SNX9: variants seen among roughly 807,000 people sequenced by gnomAD.
The protein encoded by SNX9 is sorting nexin-9.
A neutral mutation model predicts 89.4 loss-of-function variants in SNX9; 44 were observed. The ratio of observed to expected loss-of-function variants is 0.49; its 90% CI spans 0.39 to 0.63. SNX9 has a LOEUF of 0.63. Among genes scored for constraint, SNX9 ranks in the 30% least tolerant of loss-of-function variants. The probability of loss-of-function intolerance (pLI) is 0.00; values close to 1 mark genes in which losing one functional copy is unlikely to be tolerated. For synonymous variants in SNX9, 236 were observed against 247.8 expected (o/e 0.95, Z 0.45); for missense variants, 578 against 736.1 (o/e 0.79, Z 2.49).
At position 157,932,189 on chromosome 6, in the gene SNX9, T is replaced by C. The variant is rs570793449; in HGVS notation, c.1289-6T>C. ...GACTAATCGTTTATTCCTTTTTGTC[T>C]TTCAGCATTACCCAAGGAATATCAG... On this transcript the variant is annotated splice_polypyrimidine_tract_variant and splice_region_variant and intron_variant, in intron 12 of 17. Coordinates refer to ENST00000392185, the MANE Select transcript of SNX9 (RefSeq NM_016224.5). 2.6e-5 allele frequency: 42 copies of C among 1,613,986 alleles called. No individual in the cohort carries two copies. In the South Asian group the frequency reaches 4.6e-4, roughly 18 times the overall value.
rs369653461 is a variant in SNX9 at position 157,871,418 on chromosome 6, A to G, written c.100-1684A>G. On this transcript the variant is annotated intron_variant, in intron 2 of 17. Transcript: ENST00000392185. ...ATCACTGGGTAGAAAAAGATTATGT[A>G]GTAATTTTGTATAATATGCTAGGTG... is the stretch of plus-strand genomic sequence containing the variant. Among the ~76,000 whole-genome samples the G allele has an allele frequency of 8.5e-5, 13 of 152,146 alleles. No individual in the cohort carries two copies. The East Asian group carries it at 1.7e-3, about 20-fold the overall frequency.
chr6:157,934,310 G>A (rs1783877428), intron 13 of SNX9: 1 of 142,822 alleles, frequency 7.0e-6, no homozygotes, highest in African/African-American at 2.7e-5. Context: ...TGATTATAGG[G>A]AAGGAGAGAG....
intron 10 of SNX9, among the ~76,000 whole-genome samples, chr6:157,923,784 A>G (rs1583239944): frequency 6.6e-6 from 1 of 152,356 alleles, no homozygotes; most frequent in East Asian, 1.9e-4. Context: ...CACTTGATCT[A>G]TGACAAAGAT....
At chr6:157,941,252 G>A (rs58640753) in intron 17 of SNX9, among the ~76,000 whole-genome samples, 4,494 of 152,050 alleles carry the variant, frequency 0.03, 221 homozygotes, top group African/African-American at 0.1. Context: ...CCTTCCCCCC[G>A]TCACAGCCTC....
intron 1 of SNX9, among the ~76,000 whole-genome samples, chr6:157,858,567 A>G (rs962901926): frequency 1.4e-4 from 22 of 152,180 alleles, no homozygotes; most frequent in African/African-American, 5.1e-4. Context: ...CATATTGCAA[A>G]TTGGTATTGA....
At chr6:157,875,982 TAAAAAA>T (rs1038454776) in intron 4 of SNX9, among the ~76,000 whole-genome samples, 1 of 148,912 alleles carries the variant, frequency 6.7e-6, no homozygotes, top group South Asian at 2.1e-4. Context: ...CTCCACACGT[TAAAAAA>T]AAAGTTAAAA....
rs150759822 is a variant in SNX9, at chr6:157,914,180, A to G, written c.949+4155A>G. Reference sequence around the variant, plus strand: ...GATAGTGTCAGTTTTTCCTCATTTTAACCAGTCCGATAGGTATGCAGTGGT... The same window carrying G: ...GATAGTGTCAGTTTTTCCTCATTTTGACCAGTCCGATAGGTATGCAGTGGT... On this transcript the variant is annotated intron_variant, in intron 9 of 17. Transcript: ENST00000392185. Among the ~76,000 whole-genome samples the G allele has an allele frequency of 4.4e-3, 669 of 152,254 alleles. 6 individuals carry two copies. The highest frequency in any genetic ancestry group is 0.015 in the African/African-American group (640 of 41,528).
At chr6:157,901,116 A>T (rs909135295) in intron 5 of SNX9, among the ~76,000 whole-genome samples, 10 of 152,202 alleles carry the variant, frequency 6.6e-5, no homozygotes, top group Non-Finnish European at 4.4e-5. Flanking sequence ...ACATCCATTC[A>T]TAGGCTCTCT....
At chr6:157,840,107 G>A (rs1562590709) in intron 1 of SNX9, among the ~76,000 whole-genome samples, 1 of 145,706 alleles carries the variant, frequency 6.9e-6, no homozygotes, top group Non-Finnish European at 1.5e-5. Flanking sequence ...GCTGGTGCTT[G>A]GGGTGTCTTT....
At chr6:157,899,109 C>T (rs1783040274) in intron 5 of SNX9, among the ~76,000 whole-genome samples, 1 of 151,986 alleles carries the variant, frequency 6.6e-6, no homozygotes, top group Non-Finnish European at 1.5e-5. Flanking sequence ...GGAGAGCCCA[C>T]AGGGGAGGAA....
At chr6:157,893,379 G>A (rs12528673) in intron 4 of SNX9, among the ~76,000 whole-genome samples, 2,889 of 152,220 alleles carry the variant, frequency 0.019, 95 homozygotes, top group African/African-American at 0.061. Flanking sequence ...TTTTTCCTTA[G>A]AGGTATATAG....
At chr6:157,935,428 G>A (rs78091021) in intron 13 of SNX9, among the ~76,000 whole-genome samples, 1 of 152,136 alleles carries the variant, frequency 6.6e-6, no homozygotes, top group African/African-American at 2.4e-5. Flanking sequence ...AGGGACAGGG[G>A]AGTGTGTGAC....
chr6:157,938,676 C>G lies in SNX9; in HGVS notation c.1577C>G (p.Thr526Arg). 1 of 1,614,008 alleles carries G rather than the reference C, an allele frequency of 6.2e-7. No individual in the cohort carries two copies. Among genetic ancestry groups the G allele is most frequent in the Non-Finnish European group, 8.5e-7 (1 of 1,179,928 alleles). Reference protein sequence around the residue: ...KVKESDKLVATSKITLQDKQN... With the variant: ...KVKESDKLVARSKITLQDKQN... ...AAAGAAAGTGACAAACTAGTTGCAA[C>G]AAGTAAAATCACCCTACAAGACAAA... Residue 526 changes from threonine to arginine, a missense_variant, in exon 16 of 18, where the codon ACA becomes AGA. Around this residue, in one of 2 missense-constraint regions of SNX9, gnomAD observed 348 missense variants for 491.4 expected, o/e 0.71. Coordinates refer to ENST00000392185, the MANE Select transcript of SNX9 (RefSeq NM_016224.5).
At chr6:157,837,586 A>G (rs564064500) in intron 1 of SNX9, among the ~76,000 whole-genome samples, 3 of 152,300 alleles carry the variant, frequency 2.0e-5, no homozygotes, top group South Asian at 4.1e-4. Flanking sequence ...CTGTTTGCCC[A>G]CTTAGAAGCT....
chr6:157,870,421 C>T lies in SNX9; in HGVS notation c.100-2681C>T, dbSNP rs185445361. On this transcript the variant is annotated intron_variant, in intron 2 of 17. Coordinates refer to ENST00000392185, the MANE Select transcript of SNX9 (RefSeq NM_016224.5). The stretch of plus-strand genomic sequence containing the variant: ...AGACACTGTCACCTGCTCTCACACA[C>T]GCACACTCACATGCTGTCACACAGA... Among the ~76,000 whole-genome samples, 258 of 150,992 alleles carry T rather than the reference C, an allele frequency of 1.7e-3. 6 individuals are homozygous for T. Among genetic ancestry groups the T allele is most frequent in the Non-Finnish European group, 3.5e-4 (24 of 67,646 alleles).
At chr6:157,922,851 G>A (rs1040620793) in intron 10 of SNX9, among the ~76,000 whole-genome samples, 1 of 152,190 alleles carries the variant, frequency 6.6e-6, no homozygotes, top group East Asian at 1.9e-4. Context: ...CTATATAGTA[G>A]TGAAACTAAG....
chr6:157,851,597 T>C (rs1357023859), intron 1 of SNX9, among the ~76,000 whole-genome samples: 1 of 152,176 alleles, frequency 6.6e-6, no homozygotes, highest in African/African-American at 2.4e-5. Context: ...ATTCGTTGTT[T>C]TTTTCTTTTT....
intron 9 of SNX9, among the ~76,000 whole-genome samples, chr6:157,916,855 T>C (rs1452726389): frequency 6.6e-6 from 1 of 152,222 alleles, no homozygotes; most frequent in Non-Finnish European, 1.5e-5. Flanking sequence ...TGGTTCACGA[T>C]GGTTATTGGT....
chr6:157,921,749 G>A lies in SNX9; in HGVS notation c.1080+88G>A, dbSNP rs549239296. 2.0e-5 allele frequency: 28 copies of A among 1,415,330 alleles called. 1 individual carries two copies. The African/African-American group carries it at 3.8e-4, about 19-fold the overall frequency. 87.7% of individuals were successfully genotyped at this position (1,415,330 alleles called of 1,614,324 possible). On this transcript the variant is annotated intron_variant, in intron 10 of 17. Transcript: ENST00000392185. ...TATTTCTGAAAGGAGTTAAAATTATGTTGGTTAGTTATTTCTCACTTCCTC... is the reference window on the plus strand; with the variant it reads ...TATTTCTGAAAGGAGTTAAAATTATATTGGTTAGTTATTTCTCACTTCCTC...
Sources: gnomAD v4.1 joint callset for allele counts (sites outside exome capture counted in the v4.1 genomes callset) on GRCh38, gnomAD v4.1.1 for gene constraint, gnomAD v4.1.1 regional missense constraint, MANE v1.5 for transcripts, NCBI Gene and HGNC (gene_info 2026-07-23, HGNC 2026-07-21) for gene names.